The following ATG10 variants were observed in gnomAD, a reference collection of about 807,000 sequenced individuals.
ATG10 encodes the protein ubiquitin-like-conjugating enzyme ATG10.
Under a neutral mutation model 32.1 loss-of-function variants are expected in ATG10, and 30 were observed. The ratio of observed to expected loss-of-function variants is 0.94; its 90% CI spans 0.70 to 1.27. The LOEUF (loss-of-function observed/expected upper bound fraction) is 1.27. Ranked by LOEUF, ATG10 falls within the 50% of genes most tolerant of loss-of-function variation. The pLI is 0.00. For synonymous variants in ATG10, 87 were observed against 91.5 expected (o/e 0.95, Z 0.28); for missense variants, 233 against 262.3 (o/e 0.89, Z 0.77).
intron 3 of ATG10, among the ~76,000 whole-genome samples, chr5:82,158,839 T>C (rs964493083): frequency 2.0e-5 from 3 of 152,154 alleles, no homozygotes; most frequent in African/African-American, 7.2e-5. Flanking sequence ...CAAAGAGCAG[T>C]GGTTTCAGTG....
At chr5:82,015,859 A>AT (rs2149700333) in intron 2 of ATG10, among the ~76,000 whole-genome samples, 1 of 152,240 alleles carries the variant, frequency 6.6e-6, no homozygotes, top group African/African-American at 2.4e-5. Context: ...GCTTTGTTCC[A>AT]TTGCTGGTGA....
chr5:82,008,477 G>A (rs1762040367), intron 2 of ATG10, among the ~76,000 whole-genome samples: 1 of 152,010 alleles, frequency 6.6e-6, no homozygotes. Flanking sequence ...AGAAGAACAG[G>A]TTGTATCACT....
Position 81,983,791 on chromosome 5 carries a change from C to T in ATG10, c.-12-3768C>T, listed in dbSNP as rs1003957430. On this transcript the variant is annotated intron_variant, in intron 1 of 7. Coordinates refer to ENST00000282185, the MANE Select transcript of ATG10 (RefSeq NM_031482.5). ...GGGTCTCCTCACTTCTCAGATGGGG[C>T]GGCCAGGCAGAGACGCTCCTCACCT... 1.7e-4 allele frequency among the ~76,000 whole-genome samples: 26 copies of T among 151,046 alleles called. 1 individual carries two copies. The South Asian group carries it at 4.6e-3, about 27-fold the overall frequency.
At position 81,987,639 on chromosome 5, in the gene ATG10, A is replaced by G. The variant is rs754180767; in HGVS notation, c.69A>G (p.Ser23=). ...ATTGTGCAGAATTCATTAAACATTC[A>G]CAACAGATAGGTGATAGTTGGGAAT... ...QRYCAEFIKH[S]QQIGDSWEWR... is the part of the protein sequence containing the mutation. Residue 23 remains serine (S), a synonymous_variant, in exon 2 of 8, where the codon TCA becomes TCG. Coordinates refer to ENST00000282185, the MANE Select transcript of ATG10 (RefSeq NM_031482.5). The G allele has an allele frequency of 5.2e-5, 84 of 1,612,878 alleles. No individual in the cohort carries two copies. Among genetic ancestry groups the G allele is most frequent in the Non-Finnish European group, 7.0e-5 (82 of 1,179,552 alleles).
chr5:82,090,568 G>A (rs1024132582), intron 3 of ATG10, among the ~76,000 whole-genome samples: 2 of 152,150 alleles, frequency 1.3e-5, no homozygotes, highest in Non-Finnish European at 2.9e-5. Context: ...ACAATAAATT[G>A]GAGAACAGAT....
chr5:81,993,172 T>G (rs73766499), intron 2 of ATG10, among the ~76,000 whole-genome samples: 2,502 of 152,162 alleles, frequency 0.016, 73 homozygotes, highest in African/African-American at 0.056. Flanking sequence ...CTACTTAATG[T>G]CTCCAAACTC....
intron 2 of ATG10, among the ~76,000 whole-genome samples, chr5:82,048,922 A>C (rs1263761857): frequency 6.6e-6 from 1 of 151,732 alleles, no homozygotes; most frequent in Non-Finnish European, 1.5e-5. Flanking sequence ...GGATGTGGAG[A>C]AATAGGAACA....
intron 3 of ATG10, among the ~76,000 whole-genome samples, chr5:82,081,287 A>C (rs928870682): frequency 1.2e-4 from 18 of 152,202 alleles, no homozygotes; most frequent in Non-Finnish European, 2.5e-4. Context: ...CTAAATATAC[A>C]ATCATGTTAT....
At chr5:81,999,853 C>T (rs989738918) in intron 2 of ATG10, among the ~76,000 whole-genome samples, 4 of 152,022 alleles carry the variant, frequency 2.6e-5, no homozygotes, top group African/African-American at 7.2e-5. Context: ...TTGAACAGAT[C>T]AATAATGAGT....
At chr5:81,979,657 G>C (rs950260784) in intron 1 of ATG10, among the ~76,000 whole-genome samples, 25 of 151,400 alleles carry the variant, frequency 1.7e-4, no homozygotes, top group African/African-American at 6.1e-4. Flanking sequence ...GATGGCAGAG[G>C]CTACCCTGAT....
chr5:81,978,216 C>T (rs1215126990), intron 1 of ATG10, among the ~76,000 whole-genome samples: 1 of 152,048 alleles, frequency 6.6e-6, no homozygotes, highest in Non-Finnish European at 1.5e-5. Flanking sequence ...ATTACATGTG[C>T]CCGCCACCAC....
intron 1 of ATG10, among the ~76,000 whole-genome samples, chr5:81,981,447 C>A (rs1292260695): frequency 6.6e-6 from 1 of 152,176 alleles, no homozygotes; most frequent in Non-Finnish European, 1.5e-5. Context: ...TGAATCAATT[C>A]AAGCCAAATT....
In ATG10 at chr5:82,245,878, A is replaced by G. The variant is rs182479739; in HGVS notation, c.454-6684A>G. ...AACTGATACATTTTAGAAAGCATTG[A>G]GTGTTGAAGCATGTACAATTTAACC... On this transcript the variant is annotated intron_variant, in intron 5 of 7. Transcript: ENST00000282185. 1.3e-3 allele frequency among the ~76,000 whole-genome samples: 202 copies of G among 152,316 alleles called. 3 individuals carry two copies. The highest frequency in any genetic ancestry group is 5.9e-4 in the Non-Finnish European group (40 of 68,022).
intron 3 of ATG10, among the ~76,000 whole-genome samples, chr5:82,112,436 C>A (rs1458276326): frequency 6.6e-6 from 1 of 151,644 alleles, no homozygotes; most frequent in Non-Finnish European, 1.5e-5. Context: ...GTTGAGAATT[C>A]TGATTAATGC....
intron 3 of ATG10, among the ~76,000 whole-genome samples, chr5:82,084,564 G>A (rs896677978): frequency 2.6e-5 from 4 of 152,200 alleles, no homozygotes; most frequent in Non-Finnish European, 4.4e-5. Flanking sequence ...AGGAAAAAAT[G>A]TTAAGGGCAG....
chr5:82,085,082 G>A (rs1045227413), intron 3 of ATG10, among the ~76,000 whole-genome samples: 9 of 152,094 alleles, frequency 5.9e-5, no homozygotes, highest in Non-Finnish European at 1.0e-4. Flanking sequence ...GTATTCAGGA[G>A]ACCCATCTCA....
At chr5:82,008,492 A>G (rs541543307) in intron 2 of ATG10, among the ~76,000 whole-genome samples, 6 of 152,330 alleles carry the variant, frequency 3.9e-5, no homozygotes, top group African/African-American at 1.4e-4. Context: ...ATCACTTGTG[A>G]ATTAAATACC....
At chr5:82,029,561 A>C (rs1762687493) in intron 2 of ATG10, among the ~76,000 whole-genome samples, 1 of 152,174 alleles carries the variant, frequency 6.6e-6, no homozygotes, top group Non-Finnish European at 1.5e-5. Flanking sequence ...AAGGACTGGG[A>C]GAGTATAACT....
intron 2 of ATG10, among the ~76,000 whole-genome samples, chr5:81,993,340 T>TTCCTTCCTTCC (rs1761526269): frequency 4.7e-5 from 2 of 42,834 alleles, no homozygotes; most frequent in African/African-American, 2.1e-4. Flanking sequence ...TCCTTCCTTC[T>TTCCTTCCTTCC]TTCTTTCTTT....
Sources: gnomAD v4.1 joint callset for allele counts (sites outside exome capture counted in the v4.1 genomes callset) on GRCh38, gnomAD v4.1.1 for gene constraint, MANE v1.5 for transcripts, NCBI Gene and HGNC (gene_info 2026-07-23, HGNC 2026-07-21) for gene names.